Variants in ADAM11 observed in about 807,000 individuals in gnomAD.
ADAM11 encodes ADAM metallopeptidase domain 11.
Under a neutral mutation model 119.1 loss-of-function variants are expected in ADAM11, and 49 were observed. The observed-to-expected ratio is 0.41, with a 90% CI of 0.33 to 0.52. The LOEUF is 0.52. Among genes scored for constraint, ADAM11 ranks in the 20% least tolerant of loss-of-function variants. The probability of loss-of-function intolerance (pLI) is 0.20; values close to 1 mark genes in which losing one functional copy is unlikely to be tolerated. For missense variants in ADAM11, 777 were observed against 1,047.5 expected (o/e 0.74, Z 3.56); for synonymous variants, 364 against 408.0 (o/e 0.89, Z 1.30).
chr17:44,775,789 C>T lies in ADAM11; in HGVS notation c.1485+113C>T, dbSNP rs1028767923. 2 of 1,129,204 alleles carry T rather than the reference C, an allele frequency of 1.8e-6. No individual in the cohort carries two copies. The highest frequency in any genetic ancestry group is 1.2e-6 in the Non-Finnish European group (1 of 805,208). 69.9% of individuals were successfully genotyped at this position (1,129,204 alleles called of 1,614,324 possible). On this transcript the variant is annotated intron_variant, in intron 17 of 26. Transcript: ENST00000200557. This position sits in a 1 kb window ranked among gnomAD's most constrained non-coding sequence, Gnocchi z 7.5. The stretch of plus-strand genomic sequence containing the variant: ...GCGGAGCCTTCGGGGACGAAGGCCT[C>T]TGGGGCAGGGCTTGATGCGAAGACA...
At position 44,775,789 on chromosome 17, in the gene ADAM11, C is replaced by G. The variant is rs1028767923; in HGVS notation, c.1485+113C>G. The G allele has an allele frequency of 8.9e-7, 1 of 1,129,204 alleles. No homozygotes were observed. The allele number at this position is 1,129,204 out of a possible 1,614,324, so 69.9% of individuals were successfully genotyped here. ...GCGGAGCCTTCGGGGACGAAGGCCT[C>G]TGGGGCAGGGCTTGATGCGAAGACA... On this transcript the variant is annotated intron_variant, in intron 17 of 26. Coordinates refer to ENST00000200557, the MANE Select transcript of ADAM11 (RefSeq NM_002390.6). This position sits in a 1 kb window ranked among gnomAD's most constrained non-coding sequence, Gnocchi z 7.5.
rs533221188 is a variant in ADAM11, at chr17:44,779,170, A to G, written c.2277-52A>G. 14 of 1,566,424 alleles carry G rather than the reference A, an allele frequency of 8.9e-6. No homozygotes were observed. In the East Asian group the frequency reaches 1.8e-4, roughly 20 times the overall value. ...CAAAGGCCCCTCCCTGAGAGAAGCA[A>G]AAGGTCAGATGTCTCCTTTTCCTCT... On this transcript the variant is annotated intron_variant, in intron 25 of 26. Transcript: ENST00000200557.
chr17:44,779,573 T>C (rs1470259435), intron 26 of ADAM11, 166 bp from the exon 27 acceptor site: 1 of 985,294 alleles, frequency 1.0e-6, no homozygotes, highest in African/African-American at 1.7e-5. Context: ...CCATCTGTTT[T>C]GTCTTCCATA....
In ADAM11 at chr17:44,762,373, C is replaced by G. The variant is rs139742841; in HGVS notation, c.237+2476C>G. Among the ~76,000 whole-genome samples, 522 of 152,312 alleles carry G rather than the reference C, an allele frequency of 3.4e-3. 3 individuals carry two copies. Among genetic ancestry groups the G allele is most frequent in the African/African-American group, 0.012 (497 of 41,570 alleles). On this transcript the variant is annotated intron_variant, in intron 2 of 26. Transcript: ENST00000200557. ...TTTCCCCAACGGTAAGGAGATATGG[C>G]AAACCCTCAATCTCCTGCCTGGCAT...
Position 44,772,738 on chromosome 17 carries a change from TG to T in ADAM11, c.679-117del. The T allele has an allele frequency of 1.0e-6, 1 of 981,836 alleles. No individual in the cohort carries two copies. Among genetic ancestry groups the T allele is most frequent in the Non-Finnish European group, 1.6e-6 (1 of 644,960 alleles). 60.8% of individuals were successfully genotyped at this position (981,836 alleles called of 1,614,324 possible). A position where few individuals can be genotyped will look rare whatever the true frequency, so the allele number is the denominator to read the frequency against. On this transcript the variant is annotated intron_variant, in intron 8 of 26. Coordinates refer to ENST00000200557, the MANE Select transcript of ADAM11 (RefSeq NM_002390.6). This position sits in a 1 kb window ranked among gnomAD's most constrained non-coding sequence, Gnocchi z 4.5. ...ACAGGACCCTCTGCCAGTGGGGAGC[TG>T]GCACTGTCCCTGGCTGGAGTCCAGA...
At chr17:44,762,429 C>T (rs1033156691) in intron 2 of ADAM11, among the ~76,000 whole-genome samples, 4 of 152,346 alleles carry the variant, frequency 2.6e-5, no homozygotes, top group African/African-American at 9.6e-5. Flanking sequence ...CTTTTGGCCT[C>T]AGAGCCATGG....
rs1008860610 is a variant in ADAM11, at chr17:44,779,102, G to A, written c.2277-120G>A. Reference sequence around the variant, plus strand: ...GCCCTTACATTAGTGTCCAGGCCCCGGGGACCCCGGCCCCGCTCTGGGGCA... The same window carrying A: ...GCCCTTACATTAGTGTCCAGGCCCCAGGGACCCCGGCCCCGCTCTGGGGCA... On this transcript the variant is annotated intron_variant, in intron 25 of 26. Transcript: ENST00000200557. The A allele has an allele frequency of 2.2e-5, 30 of 1,339,032 alleles. No individual in the cohort carries two copies. The East Asian group carries it at 2.4e-4, about 11-fold the overall frequency. 82.9% of individuals were successfully genotyped at this position (1,339,032 alleles called of 1,614,324 possible). A position where few individuals can be genotyped will look rare whatever the true frequency, so the allele number is the denominator to read the frequency against.
At position 44,773,089 on chromosome 17, in the gene ADAM11, A is replaced by T; in HGVS notation, c.825+4A>T. The T allele has an allele frequency of 1.9e-6, 3 of 1,613,278 alleles. No individual in the cohort carries two copies. The highest frequency in any genetic ancestry group is 2.5e-6 in the Non-Finnish European group (3 of 1,179,688). On this transcript the variant is annotated splice_donor_region_variant and intron_variant, in intron 10 of 26. Transcript: ENST00000200557. This position sits in a 1 kb window ranked among gnomAD's most constrained non-coding sequence, Gnocchi z 4.6. ...CGTGGTGAACCTGGCCGATGTGGTAAGCAGCTCTCCCTCCCTCCCTTCCCT... is the reference window on the plus strand; with the variant it reads ...CGTGGTGAACCTGGCCGATGTGGTATGCAGCTCTCCCTCCCTCCCTTCCCT...
intron 11 of ADAM11, 34 bp from the exon 12 acceptor site, chr17:44,774,261 C>T: frequency 7.1e-7 from 1 of 1,404,438 alleles, no homozygotes; most frequent in Non-Finnish European, 9.4e-7. Context: ...CAGGGGAGGG[C>T]AGGAGGCCAT....
In ADAM11 at chr17:44,779,748, G is replaced by A. The variant is rs1013794234; in HGVS notation, c.2304G>A (p.Gly768=). The A allele has an allele frequency of 6.2e-7, 1 of 1,606,318 alleles. No homozygotes were observed. The highest frequency in any genetic ancestry group is 1.8e-5 in the Admixed American group (1 of 56,820). ...CCCCTCTCCGTTCCAGGTCCGGAGG[G>A]GCCTAAGTGCCACCCTCCTCCCTCC... ...FKNIRRGRSG[G]A Residue 768 remains glycine, a synonymous_variant, in exon 27 of 27, where the codon GGG becomes GGA. Coordinates refer to ENST00000200557, the MANE Select transcript of ADAM11 (RefSeq NM_002390.6).
intron 25 of ADAM11, 42 bp downstream of exon 25, chr17:44,778,284 G>A (rs1229954030): frequency 6.4e-7 from 1 of 1,571,238 alleles, no homozygotes. Context: ...CATCCTTGAG[G>A]GGGGATCAGA....
chr17:44,761,915 C>T (rs1393264323), intron 2 of ADAM11, among the ~76,000 whole-genome samples: 7 of 152,018 alleles, frequency 4.6e-5, no homozygotes, highest in East Asian at 3.9e-4. Flanking sequence ...CTCCACCTCC[C>T]GGGTTCAAGC....
chr17:44,766,943 G>C (rs1009190382), intron 2 of ADAM11, among the ~76,000 whole-genome samples: 2 of 152,064 alleles, frequency 1.3e-5, no homozygotes, highest in African/African-American at 2.4e-5. Flanking sequence ...GGAGGCTCAA[G>C]TCTGTAATCC....
chr17:44,776,796 G>A lies in ADAM11; in HGVS notation c.1617+1G>A, dbSNP rs780946704. ...CGGTTACTACTGTGACCATGAGCAG[G>A]TATGATGGCTGCCCCCTGAGCCTGG... On this transcript the variant is annotated splice_donor_variant, in intron 19 of 26. Transcript: ENST00000200557. LOFTEE classifies it high-confidence loss of function. The surrounding 1 kb of genome is among the most constrained non-coding windows in gnomAD (Gnocchi z 5.2). 2 of 1,614,168 alleles carry A rather than the reference G, an allele frequency of 1.2e-6. No homozygotes were observed. Among genetic ancestry groups the A allele is most frequent in the Non-Finnish European group, 1.7e-6 (2 of 1,180,022 alleles).
rs1173001243 is a variant in ADAM11, at chr17:44,772,610, G to A, written c.678+144G>A. ...TGGATGTGGCTGGGGGCCAGGGACC[G>A]TGTCTGGGAGAAGCCCCCACCCCTT... On this transcript the variant is annotated intron_variant, in intron 8 of 26. Transcript: ENST00000200557. The surrounding 1 kb of genome is among the most constrained non-coding windows in gnomAD (Gnocchi z 4.5). 35 of 1,173,468 alleles carry A rather than the reference G, an allele frequency of 3.0e-5. 1 individual carries two copies. Among genetic ancestry groups the A allele is most frequent in the South Asian group, 4.6e-5 (3 of 65,750 alleles). The allele number at this position is 1,173,468 out of a possible 1,614,324, so 72.7% of individuals were successfully genotyped here. A position where few individuals can be genotyped will look rare whatever the true frequency, so the allele number is the denominator to read the frequency against.
intron 25 of ADAM11, among the ~76,000 whole-genome samples, 179 bp from the exon 26 acceptor site, chr17:44,779,043 G>T (rs765621503): frequency 6.6e-6 from 1 of 152,206 alleles, no homozygotes; most frequent in Admixed American, 6.5e-5. Context: ...GAACCGGGAC[G>T]CATTTTTGTG....
Position 44,772,999 on chromosome 17 carries a change from T to C in ADAM11, c.754-15T>C. ...CTGAGGAGCCTGGCCCTCCTCCCAT[T>C]CTTCTCTCTCCCAGTTCGAGCAGAT... On this transcript the variant is annotated splice_polypyrimidine_tract_variant and intron_variant, in intron 9 of 26. Coordinates refer to ENST00000200557, the MANE Select transcript of ADAM11 (RefSeq NM_002390.6). This position sits in a 1 kb window ranked among gnomAD's most constrained non-coding sequence, Gnocchi z 4.5. 1 of 1,613,876 alleles carries C rather than the reference T, an allele frequency of 6.2e-7. No individual in the cohort carries two copies. The highest frequency in any genetic ancestry group is 1.1e-5 in the South Asian group (1 of 90,988).
rs765388608 is a variant in ADAM11 at position 44,774,554 on chromosome 17, G to C, written c.1140G>C (p.Met380Ile). 1 of 1,613,546 alleles carries C rather than the reference G, an allele frequency of 6.2e-7. No individual in the cohort carries two copies. The highest frequency in any genetic ancestry group is 1.7e-5 in the Admixed American group (1 of 59,986). Reference protein sequence around the residue: ...LAQTLGQNLGMMWNKHRSSAG... With the variant: ...LAQTLGQNLGIMWNKHRSSAG... ...AGACGCTGGGACAGAACCTGGGCAT[G>C]ATGTGGAACAAACACCGGAGCTCGG... The change falls in exon 13 of 27, where the codon ATG (methionine) becomes ATC (isoleucine). Residue 380 changes from methionine to isoleucine, a missense_variant. Around this residue, in one of 4 missense-constraint regions of ADAM11, gnomAD observed 147 missense variants for 223.3 expected, o/e 0.66. Coordinates refer to ENST00000200557, the MANE Select transcript of ADAM11 (RefSeq NM_002390.6).
intron 2 of ADAM11, among the ~76,000 whole-genome samples, chr17:44,760,114 C>T (rs935924684): frequency 6.6e-6 from 1 of 152,224 alleles, no homozygotes; most frequent in Non-Finnish European, 1.5e-5. Flanking sequence ...GTCCCCTGCC[C>T]TCAGTGTACA....
Sources: allele counts gnomAD v4.1 joint callset (sites outside exome capture counted in the v4.1 genomes callset), GRCh38; gene constraint gnomAD v4.1.1; regional missense constraint gnomAD v4.1.1; non-coding constraint Gnocchi (gnomAD v3.1); transcripts MANE v1.5; gene names NCBI Gene and HGNC (gene_info 2026-07-23, HGNC 2026-07-21).